Variants in GYPC observed in about 807,000 individuals in gnomAD.
GYPC encodes glycophorin-C.
GYPC carries 14 observed loss-of-function variants against 12.6 expected under a neutral mutation model. The ratio of observed to expected loss-of-function variants is 1.11; its 90% confidence interval spans 0.74 to 1.74. The LOEUF (loss-of-function observed/expected upper bound fraction) is 1.74, where lower values mean the gene tolerates loss of function less well. Among genes scored for constraint, GYPC ranks in the 40% most tolerant of loss-of-function variants. The pLI is 0.00. For missense variants in GYPC, 225 were observed against 172.1 expected (o/e 1.31, Z -1.72); for synonymous variants, 78 against 62.1 (o/e 1.26, Z -1.20).
intron 1 of GYPC, among the ~76,000 whole-genome samples, chr2:126,671,441 A>G (rs775608931): frequency 2.6e-5 from 4 of 152,102 alleles, no homozygotes; most frequent in Non-Finnish European, 5.9e-5. Context: ...CAGGGGAGCA[A>G]CCTCTCCACG....
At chr2:126,681,659 C>T (rs1683151606) in intron 1 of GYPC, among the ~76,000 whole-genome samples, 1 of 151,952 alleles carries the variant, frequency 6.6e-6, no homozygotes, top group Non-Finnish European at 1.5e-5. Context: ...CACAAACTAG[C>T]TTACAATGGG....
chr2:126,682,874 C>T (rs751130946), intron 1 of GYPC, among the ~76,000 whole-genome samples: 13 of 152,206 alleles, frequency 8.5e-5, no homozygotes, highest in South Asian at 2.1e-4. Flanking sequence ...GCTTCCCAGA[C>T]GTAAGAGCCA....
intron 1 of GYPC, chr2:126,678,381 A>T (rs13395700): frequency 0.47 from 71,670 of 152,192 alleles, 17,989 homozygotes; most frequent in Non-Finnish European, 0.55. Context: ...TGTATACACT[A>T]CCCACAACCT....
At chr2:126,677,269 G>T (rs1199273504) in intron 1 of GYPC, among the ~76,000 whole-genome samples, 4 of 151,984 alleles carry the variant, frequency 2.6e-5, no homozygotes, top group African/African-American at 9.7e-5. Context: ...AAGTGTGTGA[G>T]TGCATGTGAG....
At chr2:126,694,001 A>C in intron 3 of GYPC, 54 bp downstream of exon 3, 2 of 1,208,366 alleles carry the variant, frequency 1.7e-6, no homozygotes, top group Non-Finnish European at 2.5e-6. Flanking sequence ...GCCTTGGTGA[A>C]AACATCCAGG....
chr2:126,696,157 C>G lies in GYPC; in HGVS notation c.*15C>G, dbSNP rs1411425186. Reference sequence around the variant, plus strand: ...ACTTTATTTGAGGGACAACAGACTTCACTTCCCTGAATGCCTCCCCCATCT... The same window carrying G: ...ACTTTATTTGAGGGACAACAGACTTGACTTCCCTGAATGCCTCCCCCATCT... On this transcript the variant is annotated 3_prime_UTR_variant, in exon 4 of 4. Coordinates refer to ENST00000259254, the MANE Select transcript of GYPC (RefSeq NM_002101.5). 1 of 1,596,632 alleles carries G rather than the reference C, an allele frequency of 6.3e-7. No individual in the cohort carries two copies. The highest frequency in any genetic ancestry group is 2.2e-5 in the East Asian group (1 of 44,746).
At chr2:126,681,402 C>G (rs567065865) in intron 1 of GYPC, among the ~76,000 whole-genome samples, 22 of 152,222 alleles carry the variant, frequency 1.4e-4, no homozygotes, top group African/African-American at 4.6e-4. Context: ...ATTGCTCTCT[C>G]TCTTCAATTT....
rs977397949 is a variant in GYPC, at chr2:126,668,132, C to T, written c.49+11820C>T. On this transcript the variant is annotated intron_variant, in intron 1 of 3. Coordinates refer to ENST00000259254, the MANE Select transcript of GYPC (RefSeq NM_002101.5). ...GGGGTTCTTCACCTGGGATCCCCAC[C>T]CTAAAAGTCACACACACACAAAAGA... 2.0e-5 allele frequency among the ~76,000 whole-genome samples: 3 copies of T among 152,144 alleles called. No individual in the cohort carries two copies. In the East Asian group the frequency reaches 5.8e-4, roughly 29 times the overall value.
chr2:126,674,465 A>G (rs930766029), intron 1 of GYPC, among the ~76,000 whole-genome samples: 75 of 9,792 alleles, frequency 7.7e-3, no homozygotes, highest in African/African-American at 0.03. Flanking sequence ...TGGGGGGGGA[A>G]TACAGGCTCG....
At chr2:126,656,408 T>G in intron 1 of GYPC, 96 bp downstream of exon 1, 1 of 1,084,488 alleles carries the variant, frequency 9.2e-7, no homozygotes, top group Non-Finnish European at 1.4e-6. Flanking sequence ...CGCCCTGGTG[T>G]CCCGGTCCGT....
chr2:126,677,552 TGTGTATGTGA>T (rs550179725), intron 1 of GYPC, among the ~76,000 whole-genome samples: 556 of 151,866 alleles, frequency 3.7e-3, no homozygotes, highest in South Asian at 0.013. Context: ...TATGTGAGTG[TGTGTATGTGA>T]GTGTATGTGT....
chr2:126,677,747 G>A (rs1683047479), intron 1 of GYPC, among the ~76,000 whole-genome samples: 1 of 152,078 alleles, frequency 6.6e-6, no homozygotes, highest in Admixed American at 6.5e-5. Flanking sequence ...CTTGGAGTTG[G>A]GACCCAGAGC....
In GYPC at chr2:126,663,379, G is replaced by A. The variant is rs943866706; in HGVS notation, c.49+7067G>A. 2.0e-5 allele frequency among the ~76,000 whole-genome samples: 3 copies of A among 152,182 alleles called. No individual in the cohort carries two copies. The East Asian group carries it at 5.8e-4, about 29-fold the overall frequency. On this transcript the variant is annotated intron_variant, in intron 1 of 3. Transcript: ENST00000259254. ...AAGAGTCAGCACTGCGGTGGAGACA[G>A]CCCAGAAAACACACGCAGGCCCTGC...
At chr2:126,693,427 A>T (rs1460440690) in intron 2 of GYPC, among the ~76,000 whole-genome samples, 1 of 152,136 alleles carries the variant, frequency 6.6e-6, no homozygotes. Flanking sequence ...TCTCTTCTTT[A>T]TAAATTACCC....
At chr2:126,676,738 C>T (rs1683002835) in intron 1 of GYPC, among the ~76,000 whole-genome samples, 1 of 152,104 alleles carries the variant, frequency 6.6e-6, no homozygotes, top group East Asian at 1.9e-4. Context: ...GCTAGAAAAA[C>T]ACTGGGAAGA....
rs2104762943 is a variant in GYPC at position 126,656,186 on chromosome 2, G to A, written c.-78G>A. The stretch of plus-strand genomic sequence containing the variant: ...CTCGCCGCCGAGGGTCAGGAGCCCG[G>A]GAGCGCGACCCTCCCCCGGCCCGGC... On this transcript the variant is annotated 5_prime_UTR_variant, in exon 1 of 4. Coordinates refer to ENST00000259254, the MANE Select transcript of GYPC (RefSeq NM_002101.5). The A allele has an allele frequency of 6.5e-7, 1 of 1,531,284 alleles. No individual in the cohort carries two copies. Among genetic ancestry groups the A allele is most frequent in the East Asian group, 2.5e-5 (1 of 39,744 alleles). The allele number at this position is 1,531,284 out of a possible 1,614,324, so 94.9% of individuals were successfully genotyped here.
At position 126,696,025 on chromosome 2, in the gene GYPC, G is replaced by A. The variant is rs757281327; in HGVS notation, c.270G>A (p.Thr90=). The A allele has an allele frequency of 2.9e-5, 47 of 1,613,994 alleles. No individual in the cohort carries two copies. In the East Asian group the frequency reaches 3.6e-4, roughly 12 times the overall value. ...GCTACATGTACCGGCACAAGGGCACGTACCACACCAATGAGGCCAAGGGCA... is the reference window on the plus strand; with the variant it reads ...GCTACATGTACCGGCACAAGGGCACATACCACACCAATGAGGCCAAGGGCA... ...MLRYMYRHKG[T]YHTNEAKGTE... is the part of the protein sequence containing the mutation. The change falls in exon 4 of 4, where the codon ACG becomes ACA. Residue 90 remains threonine (T), a synonymous_variant. Coordinates refer to ENST00000259254, the MANE Select transcript of GYPC (RefSeq NM_002101.5).
At chr2:126,674,456 G>T (rs956369521) in intron 1 of GYPC, among the ~76,000 whole-genome samples, 30 of 63,542 alleles carry the variant, frequency 4.7e-4, no homozygotes, top group South Asian at 4.1e-3. Context: ...GGAAACAAGT[G>T]GGGGGGGAAT....
At chr2:126,666,765 G>A (rs12986708) in intron 1 of GYPC, among the ~76,000 whole-genome samples, 17 of 113,082 alleles carry the variant, frequency 1.5e-4, no homozygotes, top group East Asian at 2.9e-4. Flanking sequence ...ACATATGCAC[G>A]CACACACACA....
Sources: allele counts gnomAD v4.1 joint callset (sites outside exome capture counted in the v4.1 genomes callset), GRCh38; gene constraint gnomAD v4.1.1; transcripts MANE v1.5; gene names NCBI Gene and HGNC (gene_info 2026-07-23, HGNC 2026-07-21).